Variants in LRP1B observed in about 807,000 individuals in gnomAD.
The protein encoded by LRP1B is low-density lipoprotein receptor-related protein 1B.
LRP1B carries 217 observed loss-of-function variants against 556.6 expected under a neutral mutation model. The observed-to-expected ratio is 0.39, with a 90% CI of 0.35 to 0.44. The LOEUF (loss-of-function observed/expected upper bound fraction) is 0.44, where lower values mean the gene tolerates loss of function less well. LRP1B is among the 20% of genes least tolerant of loss of function. The pLI is 1.00. For synonymous variants in LRP1B, 2,047 were observed against 1,865.8 expected, an observed-to-expected ratio of 1.10 and a Z score of -2.50; for missense variants, 5,053 against 5,620.8, an observed-to-expected ratio of 0.90 and a Z score of 3.23.
At chr2:141,703,305 C>A (rs1286068865) in intron 2 of LRP1B, among the ~76,000 whole-genome samples, 1 of 151,878 alleles carries the variant, frequency 6.6e-6, no homozygotes, top group Non-Finnish European at 1.5e-5. Flanking sequence ...AAAGACAAAC[C>A]TGTGCTTACT....
intron 3 of LRP1B, among the ~76,000 whole-genome samples, chr2:141,455,684 T>C (rs1681604438): frequency 6.6e-6 from 1 of 152,136 alleles, no homozygotes; most frequent in African/African-American, 2.4e-5. Flanking sequence ...AGATGTACGT[T>C]TTGTGGAATA....
At chr2:142,103,185 CA>C (rs1291240942) in intron 1 of LRP1B, among the ~76,000 whole-genome samples, 2 of 151,902 alleles carry the variant, frequency 1.3e-5, no homozygotes, top group Non-Finnish European at 2.9e-5. Context: ...TATACTTTAT[CA>C]ACCTTAATTT....
intron 32 of LRP1B, among the ~76,000 whole-genome samples, chr2:140,803,207 T>C (rs7606833): frequency 0.47 from 69,974 of 149,996 alleles, 17,621 homozygotes; most frequent in East Asian, 0.66. Context: ...TCCTTCATAA[T>C]ACTTAAGCAC....
At chr2:141,715,187 G>T (rs946755305) in intron 2 of LRP1B, among the ~76,000 whole-genome samples, 4 of 152,126 alleles carry the variant, frequency 2.6e-5, no homozygotes, top group African/African-American at 9.7e-5. Context: ...TAGCAATTTT[G>T]CCGGGCGTGG....
intron 2 of LRP1B, among the ~76,000 whole-genome samples, chr2:141,713,593 C>T (rs1247619607): frequency 6.6e-6 from 1 of 152,052 alleles, no homozygotes; most frequent in East Asian, 1.9e-4. Context: ...TTTGTGAGCA[C>T]TTATTAGTTA....
At chr2:140,461,585 A>G (rs1445760802) in intron 60 of LRP1B, among the ~76,000 whole-genome samples, 1 of 152,190 alleles carries the variant, frequency 6.6e-6, no homozygotes. Context: ...CTGTAATCCC[A>G]GCATTTTGGG....
At chr2:140,248,663 TTG>T (rs1681274631) in intron 86 of LRP1B, among the ~76,000 whole-genome samples, 1 of 151,590 alleles carries the variant, frequency 6.6e-6, no homozygotes, top group South Asian at 2.1e-4. Context: ...AATAAAATCA[TTG>T]TGTTTGTTTT....
At chr2:141,037,819 A>T (rs1481038019) in intron 11 of LRP1B, among the ~76,000 whole-genome samples, 2 of 151,884 alleles carry the variant, frequency 1.3e-5, no homozygotes, top group African/African-American at 4.8e-5. Flanking sequence ...AGAAAGATCC[A>T]GCAGAAGGAA....
intron 2 of LRP1B, among the ~76,000 whole-genome samples, chr2:141,566,279 G>A (rs748648016): frequency 6.6e-6 from 1 of 151,974 alleles, no homozygotes; most frequent in African/African-American, 2.4e-5. Flanking sequence ...AACCCAAGCT[G>A]TCAAAGAGAA....
intron 1 of LRP1B, among the ~76,000 whole-genome samples, chr2:141,980,492 C>T (rs1280824464): frequency 2.0e-5 from 3 of 152,092 alleles, no homozygotes; most frequent in African/African-American, 7.2e-5. Flanking sequence ...TTACCCCTCT[C>T]CCCATCTCAC....
Position 140,702,526 on chromosome 2 carries a change from T to A in LRP1B, c.6051A>T (p.Gln2017His), listed in dbSNP as rs947538639. The change falls in exon 38 of 91, where the codon CAA becomes CAT. Residue 2017 changes from glutamine to histidine, a missense_variant. Physicochemically the swap from Gln to His is conservative, Grantham distance 24 (BLOSUM62 0). Coordinates refer to ENST00000389484, the MANE Select transcript of LRP1B (RefSeq NM_018557.3). ...AGCGAGCCTTTCCAATACAGGGCAT[T>A]TGTCCCCATTCAGTCCAGAACAAGA... Reference protein sequence around the residue: ...KGLLFWTEWGQMPCIGKARLD... With the variant: ...KGLLFWTEWGHMPCIGKARLD... 1.9e-6 allele frequency: 3 copies of A among 1,613,396 alleles called. No homozygotes were observed.
At chr2:141,423,381 A>G (rs1319916759) in intron 3 of LRP1B, among the ~76,000 whole-genome samples, 1 of 150,280 alleles carries the variant, frequency 6.7e-6, no homozygotes, top group Non-Finnish European at 1.5e-5. Flanking sequence ...AACAATAATA[A>G]TCATTCTTCA....
At chr2:140,440,868 G>T (rs998553158) in intron 66 of LRP1B, among the ~76,000 whole-genome samples, 3 of 151,958 alleles carry the variant, frequency 2.0e-5, no homozygotes, top group African/African-American at 7.3e-5. Context: ...TGGAAAGAAT[G>T]AAGTGTATTT....
chr2:141,999,739 A>T (rs937913859), intron 1 of LRP1B, among the ~76,000 whole-genome samples: 1 of 151,974 alleles, frequency 6.6e-6, no homozygotes, highest in African/African-American at 2.4e-5. Context: ...TAGAATTCTT[A>T]GTTGATTATC....
At chr2:141,921,966 C>A (rs1002874731) in intron 1 of LRP1B, among the ~76,000 whole-genome samples, 6 of 151,992 alleles carry the variant, frequency 3.9e-5, no homozygotes, top group African/African-American at 1.4e-4. Flanking sequence ...AGGCCATAAA[C>A]CTTTCCAAAG....
intron 3 of LRP1B, among the ~76,000 whole-genome samples, chr2:141,456,751 T>C (rs1419041505): frequency 6.6e-6 from 1 of 152,156 alleles, no homozygotes; most frequent in Non-Finnish European, 1.5e-5. Context: ...GGGAATAAGA[T>C]CTCATAGCAA....
At chr2:141,414,437 T>A (rs962956397) in intron 3 of LRP1B, among the ~76,000 whole-genome samples, 1 of 152,032 alleles carries the variant, frequency 6.6e-6, no homozygotes, top group Non-Finnish European at 1.5e-5. Context: ...TGCCTCTTAC[T>A]GTGATCTTAC....
chr2:140,349,796 G>A (rs917078536), intron 77 of LRP1B, among the ~76,000 whole-genome samples: 2 of 152,050 alleles, frequency 1.3e-5, no homozygotes, highest in African/African-American at 4.8e-5. Context: ...AATAGGAATT[G>A]AACAATTCTG....
intron 1 of LRP1B, among the ~76,000 whole-genome samples, chr2:142,124,364 G>T (rs1707564927): frequency 6.6e-6 from 1 of 151,590 alleles, no homozygotes; most frequent in Admixed American, 6.6e-5. Flanking sequence ...ATCATAATTG[G>T]GTACCTAATT....
Sources: gnomAD v4.1 joint callset for allele counts (sites outside exome capture counted in the v4.1 genomes callset) on GRCh38, gnomAD v4.1.1 for gene constraint, MANE v1.5 for transcripts, NCBI Gene and HGNC (gene_info 2026-07-23, HGNC 2026-07-21) for gene names.